The following DPP10 variants were observed in gnomAD, a reference collection of about 807,000 sequenced individuals.
The protein encoded by DPP10 is inactive dipeptidyl peptidase 10.
DPP10 carries 33 observed loss-of-function variants against 120.9 expected under a neutral mutation model. The observed-to-expected ratio is 0.27, with a 90% CI of 0.21 to 0.37. DPP10 has a LOEUF of 0.37. DPP10 is among the 10% of genes least tolerant of loss of function. DPP10 has a pLI of 1.00. For synonymous variants in DPP10, 337 were observed against 326.1 expected (o/e 1.03, Z -0.36); for missense variants, 816 against 942.8 (o/e 0.87, Z 1.76).
chr2:114,649,537 A>C (rs1308629087), intron 1 of DPP10, among the ~76,000 whole-genome samples: 1 of 151,866 alleles, frequency 6.6e-6, no homozygotes, highest in African/African-American at 2.4e-5. Context: ...TATTTTTAGT[A>C]GAGACGGGGT....
At chr2:115,495,322 T>C (rs1323902919) in intron 3 of DPP10, among the ~76,000 whole-genome samples, 5 of 135,502 alleles carry the variant, frequency 3.7e-5, no homozygotes, top group Non-Finnish European at 7.6e-5. Flanking sequence ...TACCCAGTTT[T>C]AGGAGTTTAA....
chr2:114,821,785 TA>T (rs555955411), intron 1 of DPP10, among the ~76,000 whole-genome samples: 171 of 152,340 alleles, frequency 1.1e-3, no homozygotes, highest in African/African-American at 4.1e-3. Context: ...AATTAAATCT[TA>T]AAGTTCCAAA....
At chr2:114,971,111 C>T (rs1699361133) in intron 1 of DPP10, among the ~76,000 whole-genome samples, 1 of 152,180 alleles carries the variant, frequency 6.6e-6, no homozygotes, top group Non-Finnish European at 1.5e-5. Flanking sequence ...TCTTGTGTGT[C>T]AGTTGTGACG....
chr2:114,518,291 TG>T (rs1340801696), intron 1 of DPP10, among the ~76,000 whole-genome samples: 1 of 152,094 alleles, frequency 6.6e-6, no homozygotes, highest in Non-Finnish European at 1.5e-5. Flanking sequence ...TTGGCCAGGC[TG>T]GTCTCAAACT....
intron 1 of DPP10, among the ~76,000 whole-genome samples, chr2:114,706,143 G>T (rs976603994): frequency 2.6e-5 from 4 of 152,178 alleles, no homozygotes; most frequent in Non-Finnish European, 5.9e-5. Flanking sequence ...CAGTGAAAGA[G>T]CTGCCTGGCC....
chr2:115,079,941 T>C (rs1708130782), intron 1 of DPP10, among the ~76,000 whole-genome samples: 1 of 152,216 alleles, frequency 6.6e-6, no homozygotes, highest in African/African-American at 2.4e-5. Flanking sequence ...GGCTTTGTGA[T>C]GATGGCCCAA....
chr2:115,141,970 C>T (rs961775972), intron 1 of DPP10, among the ~76,000 whole-genome samples: 68 of 152,212 alleles, frequency 4.5e-4, no homozygotes, highest in African/African-American at 1.4e-3. Flanking sequence ...GACAGGCTTT[C>T]GCCAGGTAGG....
At chr2:114,955,904 T>G (rs567568849) in intron 1 of DPP10, among the ~76,000 whole-genome samples, 3 of 152,110 alleles carry the variant, frequency 2.0e-5, no homozygotes, top group Non-Finnish European at 4.4e-5. Context: ...TTTATCATAT[T>G]AAAAAACTCT....
intron 1 of DPP10, among the ~76,000 whole-genome samples, chr2:115,000,536 G>A (rs191600519): frequency 2.6e-5 from 4 of 152,088 alleles, no homozygotes; most frequent in African/African-American, 9.6e-5. Flanking sequence ...GGTTCCTTTT[G>A]TCATTATTGT....
At chr2:114,948,008 A>C (rs1473412312) in intron 1 of DPP10, among the ~76,000 whole-genome samples, 2 of 152,038 alleles carry the variant, frequency 1.3e-5, no homozygotes, top group African/African-American at 4.8e-5. Context: ...ATTGGTCATT[A>C]ATCCTTCAAA....
At chr2:115,497,779 C>G (rs959441856) in intron 3 of DPP10, among the ~76,000 whole-genome samples, 7 of 151,534 alleles carry the variant, frequency 4.6e-5, no homozygotes, top group Non-Finnish European at 7.4e-5. Context: ...CTGGCAAGAC[C>G]AAATGAGCAT....
chr2:115,419,761 T>C (rs1175318308), intron 3 of DPP10, among the ~76,000 whole-genome samples: 1 of 152,210 alleles, frequency 6.6e-6, no homozygotes, highest in Admixed American at 6.5e-5. Context: ...CCCAAAACTG[T>C]GTATGCTGCT....
chr2:114,582,161 T>C (rs577765705), intron 1 of DPP10, among the ~76,000 whole-genome samples: 2 of 152,330 alleles, frequency 1.3e-5, no homozygotes, highest in African/African-American at 4.8e-5. Flanking sequence ...TCTTTTTATG[T>C]CTCCATAGTT....
intron 1 of DPP10, among the ~76,000 whole-genome samples, chr2:114,629,469 G>A (rs1694758379): frequency 6.6e-6 from 1 of 152,182 alleles, no homozygotes; most frequent in Non-Finnish European, 1.5e-5. Context: ...AAATAAAGTG[G>A]ACTTGGGTCG....
intron 3 of DPP10, among the ~76,000 whole-genome samples, chr2:115,422,267 A>G (rs553211582): frequency 6.6e-6 from 1 of 152,238 alleles, no homozygotes; most frequent in Admixed American, 6.5e-5. Flanking sequence ...CAAAGGCAAC[A>G]TAGAACTCTG....
intron 1 of DPP10, among the ~76,000 whole-genome samples, chr2:115,259,689 C>T (rs1320701357): frequency 6.6e-6 from 1 of 151,946 alleles, no homozygotes; most frequent in Admixed American, 6.6e-5. Context: ...TATTGCTGCC[C>T]TATGTACCTA....
chr2:114,964,139 A>G (rs1698840154), intron 1 of DPP10, among the ~76,000 whole-genome samples: 1 of 152,240 alleles, frequency 6.6e-6, no homozygotes, highest in Non-Finnish European at 1.5e-5. Flanking sequence ...TCTTCCTTAC[A>G]GAACACCTGT....
chr2:115,239,945 T>C (rs1394434865), intron 1 of DPP10, among the ~76,000 whole-genome samples: 1 of 152,236 alleles, frequency 6.6e-6, no homozygotes, highest in African/African-American at 2.4e-5. Flanking sequence ...TCCTTTTTTA[T>C]GGTTGCATAG....
chr2:114,468,397 CAAAAA>C (rs71297186), intron 1 of DPP10, among the ~76,000 whole-genome samples: 4,106 of 69,586 alleles, frequency 0.059, 110 homozygotes, highest in African/African-American at 0.15. Flanking sequence ...GCTTACAATG[CAAAAA>C]AAAAAAAAAA....
Sources: allele counts gnomAD v4.1 joint callset (sites outside exome capture counted in the v4.1 genomes callset), GRCh38; gene constraint gnomAD v4.1.1; transcripts MANE v1.5; gene names NCBI Gene and HGNC (gene_info 2026-07-23, HGNC 2026-07-21).